Variants in PDE9A observed in about 807,000 individuals in gnomAD.
PDE9A encodes the protein high affinity cGMP-specific 3',5'-cyclic phosphodiesterase 9A.
In PDE9A, 60 loss-of-function variants were observed where a neutral mutation model predicts 87.4. The observed-to-expected ratio is 0.69, with a 90% CI of 0.56 to 0.85. The LOEUF (loss-of-function observed/expected upper bound fraction) is 0.85, where lower values mean the gene tolerates loss of function less well. Among genes scored for constraint, PDE9A ranks in the 40% least tolerant of loss-of-function variants. The pLI, the probability that PDE9A is intolerant of heterozygous loss-of-function variation, is 0.00. For synonymous variants in PDE9A, 272 were observed against 279.4 expected (o/e 0.97, Z 0.27); for missense variants, 665 against 779.0 (o/e 0.85, Z 1.74).
At chr21:42,655,227 A>G (rs113193240) in intron 1 of PDE9A, among the ~76,000 whole-genome samples, 21,165 of 152,290 alleles carry the variant, frequency 0.14, 1,800 homozygotes, top group Non-Finnish European at 0.2. Flanking sequence ...GCACATGCAC[A>G]CACACTTTTT....
Position 42,740,751 on chromosome 21 carries a change from A to G in PDE9A, c.569-3025A>G, listed in dbSNP as rs56196092. Among the ~76,000 whole-genome samples the G allele has an allele frequency of 5.6e-3, 529 of 94,752 alleles. 2 individuals are homozygous for G. The highest frequency in any genetic ancestry group is 7.5e-3 in the African/African-American group (189 of 25,124). The allele number at this position is 94,752 out of a possible 152,430, so 62.2% of individuals were successfully genotyped here. On this transcript the variant is annotated intron_variant, in intron 7 of 19. Transcript: ENST00000291539. ...AGATAGATAGATAGATAGATAGATA[A>G]ACAGGATAGATAGATAGATAGATAG...
intron 4 of PDE9A, among the ~76,000 whole-genome samples, chr21:42,699,370 C>G (rs905727847): frequency 3.3e-5 from 5 of 152,174 alleles, no homozygotes; most frequent in African/African-American, 4.8e-5. Flanking sequence ...CCCTGCCCCT[C>G]GGCCAGAGGC....
At chr21:42,672,296 C>G (rs78426983) in intron 1 of PDE9A, among the ~76,000 whole-genome samples, 1 of 151,088 alleles carries the variant, frequency 6.6e-6, no homozygotes, top group African/African-American at 2.4e-5. Flanking sequence ...AGGGCCAGGC[C>G]GGGCTCTTCT....
chr21:42,679,085 A>G (rs1351672292), intron 1 of PDE9A, among the ~76,000 whole-genome samples: 1 of 152,226 alleles, frequency 6.6e-6, no homozygotes, highest in Non-Finnish European at 1.5e-5. Flanking sequence ...CCAGAGATCC[A>G]GGTCACGAGG....
intron 4 of PDE9A, among the ~76,000 whole-genome samples, chr21:42,708,402 C>T (rs1012079011): frequency 6.6e-6 from 1 of 152,110 alleles, no homozygotes; most frequent in South Asian, 2.1e-4. Context: ...CATTGCTGCA[C>T]GGACCTCAAG....
rs142769950 is a variant in PDE9A at position 42,773,912 on chromosome 21, G to A, written c.1769-1368G>A. On this transcript the variant is annotated intron_variant, in intron 19 of 19. Transcript: ENST00000291539. ...AAGGTCAGGAGATCGAGACCATCCTGGCTAACACGGTGAAACCCTTCTCTA... is the reference window on the plus strand; with the variant it reads ...AAGGTCAGGAGATCGAGACCATCCTAGCTAACACGGTGAAACCCTTCTCTA... 2.8e-4 allele frequency among the ~76,000 whole-genome samples: 42 copies of A among 151,050 alleles called. No homozygotes were observed. In the East Asian group the frequency reaches 3.2e-3, roughly 11 times the overall value.
chr21:42,673,561 A>T (rs1289560953), intron 1 of PDE9A, among the ~76,000 whole-genome samples: 1 of 152,214 alleles, frequency 6.6e-6, no homozygotes, highest in East Asian at 1.9e-4. Flanking sequence ...ATATATAAAC[A>T]GTTGGGCAAA....
chr21:42,728,913 T>C (rs779540790), intron 4 of PDE9A, among the ~76,000 whole-genome samples: 87 of 148,770 alleles, frequency 5.8e-4, no homozygotes, highest in Non-Finnish European at 9.2e-4. Context: ...AGGCAGAGAA[T>C]CACTTGAGCC....
At chr21:42,735,802 T>G (rs1449551514) in intron 7 of PDE9A, among the ~76,000 whole-genome samples, 1 of 152,180 alleles carries the variant, frequency 6.6e-6, no homozygotes, top group Non-Finnish European at 1.5e-5. Context: ...CATTCACAAG[T>G]TCCAGGGAGT....
chr21:42,751,118 C>A lies in PDE9A; in HGVS notation c.656C>A (p.Thr219Asn). 6.2e-7 allele frequency: 1 copy of A among 1,601,034 alleles called. No homozygotes were observed. The highest frequency in any genetic ancestry group is 8.6e-7 in the Non-Finnish European group (1 of 1,167,978). Residue 219 changes from threonine to asparagine, a missense_variant and splice_region_variant, in exon 9 of 20, where the codon ACC becomes AAC. Thr to Asn is a moderately conservative substitution (Grantham distance 65, BLOSUM62 0). Coordinates refer to ENST00000291539, the MANE Select transcript of PDE9A (RefSeq NM_002606.3). ...REELAARSSR[T>N]NCPCKYSFLD... Reference sequence around the variant, plus strand: ...TCATCTCTGCTCCTTCTCTCTAGGACCAACTGCCCCTGTAAGTACAGTTTT... The same window carrying A: ...TCATCTCTGCTCCTTCTCTCTAGGAACAACTGCCCCTGTAAGTACAGTTTT...
At chr21:42,768,901 G>A in intron 16 of PDE9A, 126 bp from the exon 17 acceptor site, 1 of 1,493,306 alleles carries the variant, frequency 6.7e-7, no homozygotes, top group Admixed American at 2.2e-5. Flanking sequence ...TTCTTACTGA[G>A]ACACATTTGT....
At chr21:42,663,105 C>T (rs1371291340) in intron 1 of PDE9A, among the ~76,000 whole-genome samples, 1 of 150,918 alleles carries the variant, frequency 6.6e-6, no homozygotes, top group Non-Finnish European at 1.5e-5. Context: ...ACACCACATA[C>T]ACGCACATCA....
chr21:42,743,365 T>G (rs890380450), intron 7 of PDE9A, among the ~76,000 whole-genome samples: 5 of 152,244 alleles, frequency 3.3e-5, no homozygotes, highest in African/African-American at 1.2e-4. Flanking sequence ...TTCACTGCAT[T>G]TTAATGCTCT....
At chr21:42,732,841 G>A (rs1389983273) in intron 6 of PDE9A, among the ~76,000 whole-genome samples, 1 of 152,232 alleles carries the variant, frequency 6.6e-6, no homozygotes, top group Non-Finnish European at 1.5e-5. Flanking sequence ...TTGAACCCGG[G>A]AGGTGGAGGT....
In PDE9A at chr21:42,694,992, G is replaced by A. The variant is rs1029541078; in HGVS notation, c.219-3976G>A. On this transcript the variant is annotated intron_variant, in intron 3 of 19. Transcript: ENST00000291539. This position sits in a 1 kb window ranked among gnomAD's most constrained non-coding sequence, Gnocchi z 5.3. ...GCACACTGCCAATCTTCCTGTCCCC[G>A]CCCCAAATCCAAAGGCCCCTCCTAT... Among the ~76,000 whole-genome samples the A allele has an allele frequency of 2.6e-5, 4 of 152,060 alleles. No homozygotes were observed. Among genetic ancestry groups the A allele is most frequent in the African/African-American group, 7.2e-5 (3 of 41,400 alleles).
intron 14 of PDE9A, 135 bp downstream of exon 14, chr21:42,762,374 C>A: frequency 1.1e-6 from 1 of 870,462 alleles, no homozygotes; most frequent in Non-Finnish European, 1.8e-6. Context: ...GAACCCCTCC[C>A]TCCTTCCTCA....
chr21:42,772,662 T>A, intron 19 of PDE9A, 142 bp downstream of exon 19: 1 of 617,896 alleles, frequency 1.6e-6, no homozygotes, highest in African/African-American at 1.9e-5. Context: ...AAACTAAGTC[T>A]CGCTCTTGTT....
chr21:42,670,403 C>T (rs62643392), intron 1 of PDE9A, among the ~76,000 whole-genome samples: 14,775 of 98,042 alleles, frequency 0.15, 887 homozygotes, highest in African/African-American at 0.23. Flanking sequence ...CACAAACATT[C>T]ACACATACAT....
chr21:42,672,314 G>A (rs2058609163), intron 1 of PDE9A, among the ~76,000 whole-genome samples: 1 of 152,178 alleles, frequency 6.6e-6, no homozygotes, highest in African/African-American at 2.4e-5. Context: ...TCTCTCTCTT[G>A]TCTGTCCTCG....
Sources: allele counts gnomAD v4.1 joint callset (sites outside exome capture counted in the v4.1 genomes callset), GRCh38; gene constraint gnomAD v4.1.1; non-coding constraint Gnocchi (gnomAD v3.1); transcripts MANE v1.5; gene names NCBI Gene and HGNC (gene_info 2026-07-23, HGNC 2026-07-21).